TRIP12: variants seen among roughly 807,000 people sequenced by gnomAD.
The protein encoded by TRIP12 is thyroid hormone receptor interactor 12.
TRIP12 carries 25 observed loss-of-function variants against 244.2 expected under a neutral mutation model. The observed-to-expected ratio is 0.10, with a 90% confidence interval of 0.07 to 0.14. TRIP12 has a LOEUF of 0.14. Ranked by LOEUF, TRIP12 falls within the 10% of genes least tolerant of loss-of-function variation. TRIP12 has a pLI of 1.00. For missense variants in TRIP12, 1,677 were observed against 2,486.4 expected (o/e 0.67, Z 6.92); for synonymous variants, 905 against 873.1 (o/e 1.04, Z -0.64).
chr2:229,849,935 C>A (rs1375463704), intron 4 of TRIP12, among the ~76,000 whole-genome samples: 63 of 143,682 alleles, frequency 4.4e-4, no homozygotes, highest in Non-Finnish European at 3.7e-4. Flanking sequence ...TAATACACAC[C>A]AAAAAAAAAA....
chr2:229,916,708 A>T (rs1391127734), intron 1 of TRIP12, among the ~76,000 whole-genome samples: 1 of 152,134 alleles, frequency 6.6e-6, no homozygotes, highest in Non-Finnish European at 1.5e-5. Flanking sequence ...AAACAACCAA[A>T]ATCTAAAAGG....
intron 6 of TRIP12, chr2:229,831,121 TA>T: frequency 1.4e-6 from 1 of 715,576 alleles, no homozygotes. Context: ...AACTGTTCTT[TA>T]ATTAAGATGT....
chr2:229,883,896 G>T (rs2065385473), intron 1 of TRIP12, among the ~76,000 whole-genome samples: 1 of 152,082 alleles, frequency 6.6e-6, no homozygotes, highest in Non-Finnish European at 1.5e-5. Flanking sequence ...CTCACGTGAG[G>T]TCATGAGTTC....
At chr2:229,851,043 G>A (rs932293925) in intron 4 of TRIP12, among the ~76,000 whole-genome samples, 10 of 152,188 alleles carry the variant, frequency 6.6e-5, no homozygotes, top group African/African-American at 2.2e-4. Context: ...CCCGACGAGC[G>A]CCGCCCCCTG....
At chr2:229,864,045 A>AGTGTGT (rs1238759495) in intron 2 of TRIP12, among the ~76,000 whole-genome samples, 4 of 67,270 alleles carry the variant, frequency 5.9e-5, no homozygotes, top group South Asian at 6.1e-4. Flanking sequence ...AGAGAGAGAG[A>AGTGTGT]GAGTGTGTGT....
At chr2:229,833,858 T>C (rs1045128900) in intron 6 of TRIP12, among the ~76,000 whole-genome samples, 2 of 152,096 alleles carry the variant, frequency 1.3e-5, no homozygotes, top group Non-Finnish European at 2.9e-5. Flanking sequence ...AAACTACTAG[T>C]TTTGTATGTT....
At chr2:229,894,016 T>A (rs555631770) in intron 1 of TRIP12, among the ~76,000 whole-genome samples, 4 of 152,020 alleles carry the variant, frequency 2.6e-5, no homozygotes, top group African/African-American at 9.7e-5. Context: ...AGTGGCCAGA[T>A]TGGTGCTGCA....
chr2:229,859,628 T>C, intron 3 of TRIP12, 54 bp from the exon 4 acceptor site: 1 of 1,528,278 alleles, frequency 6.5e-7, no homozygotes, highest in Non-Finnish European at 8.8e-7. Flanking sequence ...ATTACAACTG[T>C]CATATATAAT....
intron 23 of TRIP12, among the ~76,000 whole-genome samples, chr2:229,798,619 A>C (rs764845852): frequency 6.6e-6 from 1 of 152,196 alleles, no homozygotes; most frequent in Non-Finnish European, 1.5e-5. Context: ...AAGGAATACA[A>C]TGTGGTTTTG....
chr2:229,860,559 C>A, intron 2 of TRIP12, 28 bp from the exon 3 acceptor site: 1 of 1,572,928 alleles, frequency 6.4e-7, no homozygotes, highest in Non-Finnish European at 8.6e-7. Flanking sequence ...AAACAGAAAT[C>A]TATCAGGAAA....
At position 229,797,727 on chromosome 2, in the gene TRIP12, T is replaced by C. The variant is rs1348329771; in HGVS notation, c.3587A>G (p.Gln1196Arg). 2 of 1,613,790 alleles carry C rather than the reference T, an allele frequency of 1.2e-6. No homozygotes were observed. The highest frequency in any genetic ancestry group is 1.3e-5 in the African/African-American group (1 of 74,912). ...TTGTTCGGTTGCAGCACAAAGTCTC[T>C]GAAGGACATTCAATGCAGGGTTGCT... ...DGSNPALNVL[Q>R]RLCAATEQLN... The change falls in exon 24 of 42, where the codon CAG (glutamine) becomes CGG (arginine). Residue 1196 changes from glutamine to arginine, a missense_variant. Around this residue, in one of 11 missense-constraint regions of TRIP12, gnomAD observed 572 missense variants for 867.8 expected, o/e 0.66. Coordinates refer to ENST00000675903, the MANE Select transcript of TRIP12 (RefSeq NM_001348323.3).
At chr2:229,890,212 T>C (rs2066998678) in intron 1 of TRIP12, among the ~76,000 whole-genome samples, 1 of 152,038 alleles carries the variant, frequency 6.6e-6, no homozygotes, top group Non-Finnish European at 1.5e-5. Flanking sequence ...CCTCAGCAGC[T>C]GGGACTACAG....
Position 229,775,823 on chromosome 2 carries a change from GA to G in TRIP12, c.5529+1491del, listed in dbSNP as rs1232794506. ...TAAAGAAACAGGATGTGGTTTTTCAGAATGTCACCATTTCTCATGCTCTTGT... is the reference window on the plus strand; with the variant it reads ...TAAAGAAACAGGATGTGGTTTTTCAGATGTCACCATTTCTCATGCTCTTGT... On this transcript the variant is annotated intron_variant, in intron 37 of 41. Coordinates refer to ENST00000675903, the MANE Select transcript of TRIP12 (RefSeq NM_001348323.3). Among the ~76,000 whole-genome samples the G allele has an allele frequency of 2.0e-5, 3 of 151,872 alleles. No individual in the cohort carries two copies. In the South Asian group the frequency reaches 6.3e-4, roughly 32 times the overall value.
chr2:229,856,802 A>G (rs2059681285), intron 4 of TRIP12, among the ~76,000 whole-genome samples: 1 of 152,184 alleles, frequency 6.6e-6, no homozygotes, highest in East Asian at 1.9e-4. Context: ...TTTAACTTGG[A>G]CCTTTTTTTC....
intron 1 of TRIP12, among the ~76,000 whole-genome samples, chr2:229,892,729 G>A (rs2067674224): frequency 1.3e-5 from 2 of 152,076 alleles, no homozygotes; most frequent in South Asian, 4.2e-4. Flanking sequence ...AGCCGGGCAT[G>A]GTAGTGCGCA....
At chr2:229,840,336 G>A (rs150451083) in intron 5 of TRIP12, among the ~76,000 whole-genome samples, 177 of 152,204 alleles carry the variant, frequency 1.2e-3, no homozygotes, top group African/African-American at 4.1e-3. Flanking sequence ...TAAATATTGC[G>A]GAGAAATTCA....
chr2:229,841,715 T>A (rs1285461186), intron 4 of TRIP12, among the ~76,000 whole-genome samples: 1 of 152,236 alleles, frequency 6.6e-6, no homozygotes, highest in African/African-American at 2.4e-5. Context: ...CATATTTCCA[T>A]GAGAACTCAG....
At chr2:229,888,429 A>G (rs1200415527) in intron 1 of TRIP12, among the ~76,000 whole-genome samples, 1 of 152,220 alleles carries the variant, frequency 6.6e-6, no homozygotes, top group African/African-American at 2.4e-5. Context: ...ATATTGGGAA[A>G]TGCTAAAATC....
At chr2:229,820,052 C>T (rs1034114410) in intron 8 of TRIP12, among the ~76,000 whole-genome samples, 2 of 152,180 alleles carry the variant, frequency 1.3e-5, no homozygotes, top group African/African-American at 4.8e-5. Context: ...ATTTTAGTGA[C>T]AGCAGGTTTA....
Sources: allele counts gnomAD v4.1 joint callset (sites outside exome capture counted in the v4.1 genomes callset), GRCh38; gene constraint gnomAD v4.1.1; regional missense constraint gnomAD v4.1.1; transcripts MANE v1.5; gene names NCBI Gene and HGNC (gene_info 2026-07-23, HGNC 2026-07-21).